Variants in DPP10 observed in about 807,000 individuals in gnomAD.
DPP10 encodes inactive dipeptidyl peptidase 10.
A neutral mutation model predicts 120.9 loss-of-function variants in DPP10; 33 were observed. The observed-to-expected ratio is 0.27, with a 90% CI of 0.21 to 0.37. The LOEUF (loss-of-function observed/expected upper bound fraction) is 0.37. DPP10 is among the 10% of genes least tolerant of loss of function. The pLI, the probability that DPP10 is intolerant of heterozygous loss-of-function variation, is 1.00. For synonymous variants in DPP10, 337 were observed against 326.1 expected, an observed-to-expected ratio of 1.03 and a Z score of -0.36; for missense variants, 816 against 942.8, an observed-to-expected ratio of 0.87 and a Z score of 1.76.
At chr2:115,754,126 A>G (rs1338036972) in intron 11 of DPP10, among the ~76,000 whole-genome samples, 2 of 152,166 alleles carry the variant, frequency 1.3e-5, no homozygotes, top group African/African-American at 4.8e-5. Context: ...TTCTATTCAC[A>G]ACACTTTTGA....
chr2:114,470,015 T>G (rs1183058108), intron 1 of DPP10, among the ~76,000 whole-genome samples: 1 of 152,206 alleles, frequency 6.6e-6, no homozygotes, highest in Non-Finnish European at 1.5e-5. Context: ...CTTGAGGTGA[T>G]GTGGGCAGAC....
At chr2:115,305,508 G>A (rs1411803259) in intron 1 of DPP10, among the ~76,000 whole-genome samples, 4 of 152,010 alleles carry the variant, frequency 2.6e-5, no homozygotes, top group African/African-American at 7.2e-5. Context: ...TGACACAGGA[G>A]GATTGCTTGA....
chr2:115,107,742 A>G lies in DPP10; in HGVS notation c.61-201497A>G, dbSNP rs1255398572. ...ATAATGACTAAGGCAATTTTATAGTACTTGTGATTTGTTCCGTTAGTATAT... is the reference window on the plus strand; with the variant it reads ...ATAATGACTAAGGCAATTTTATAGTGCTTGTGATTTGTTCCGTTAGTATAT... On this transcript the variant is annotated intron_variant, in intron 1 of 25. Coordinates refer to ENST00000410059, the MANE Select transcript of DPP10 (RefSeq NM_020868.6). 1.3e-5 allele frequency among the ~76,000 whole-genome samples: 2 copies of G among 152,172 alleles called. 1 individual carries two copies. The highest frequency in any genetic ancestry group is 2.9e-5 in the Non-Finnish European group (2 of 68,012).
At chr2:114,661,976 A>G (rs1392872170) in intron 1 of DPP10, among the ~76,000 whole-genome samples, 3 of 151,336 alleles carry the variant, frequency 2.0e-5, no homozygotes, top group Non-Finnish European at 4.4e-5. Flanking sequence ...GTTGCACTCC[A>G]GCCTGAGCAA....
At chr2:115,567,506 C>T (rs2081073617) in intron 5 of DPP10, among the ~76,000 whole-genome samples, 2 of 149,932 alleles carry the variant, frequency 1.3e-5, no homozygotes, top group South Asian at 2.1e-4. Flanking sequence ...CTGGATATCA[C>T]TCCAAATTAC....
chr2:114,478,015 A>G (rs1184225683), intron 1 of DPP10, among the ~76,000 whole-genome samples: 3 of 151,292 alleles, frequency 2.0e-5, no homozygotes, highest in African/African-American at 7.3e-5. Context: ...ATGTATTTCT[A>G]TTGATGATAG....
chr2:115,398,300 T>C (rs1279913820), intron 3 of DPP10, among the ~76,000 whole-genome samples: 3 of 150,686 alleles, frequency 2.0e-5, no homozygotes, highest in Admixed American at 6.6e-5. Context: ...TTGTAACTTA[T>C]ATGATTTATT....
intron 1 of DPP10, chr2:115,064,610 A>G: frequency 4.8e-6 from 6 of 1,238,456 alleles, no homozygotes; most frequent in Non-Finnish European, 6.3e-6. Flanking sequence ...GCACTGACGT[A>G]GATTCTTTGC....
At chr2:114,701,609 A>C (rs76490632) in intron 1 of DPP10, among the ~76,000 whole-genome samples, 1,552 of 152,250 alleles carry the variant, frequency 0.01, 21 homozygotes, top group African/African-American at 0.035. Context: ...AAAAAGTATA[A>C]TCAGTAATGT....
At chr2:115,490,992 C>T (rs549724681) in intron 3 of DPP10, among the ~76,000 whole-genome samples, 6 of 152,250 alleles carry the variant, frequency 3.9e-5, no homozygotes, top group Admixed American at 1.3e-4. Context: ...TTGACTCACA[C>T]CTGTAGTCTC....
chr2:115,670,642 C>A (rs372090389), intron 5 of DPP10, among the ~76,000 whole-genome samples: 20 of 152,188 alleles, frequency 1.3e-4, no homozygotes, highest in African/African-American at 4.3e-4. Flanking sequence ...AGATATATAC[C>A]TACCACTTAA....
At chr2:114,951,000 G>A (rs866778847) in intron 1 of DPP10, among the ~76,000 whole-genome samples, 3 of 152,224 alleles carry the variant, frequency 2.0e-5, no homozygotes, top group African/African-American at 7.2e-5. Context: ...AAATCTAATT[G>A]TTATTCACTA....
chr2:115,079,675 A>G (rs1337061029), intron 1 of DPP10, among the ~76,000 whole-genome samples: 1 of 152,168 alleles, frequency 6.6e-6, no homozygotes, highest in East Asian at 1.9e-4. Flanking sequence ...TCTGGAAACT[A>G]TACTACCCAA....
At chr2:114,715,707 CAA>C (rs1258021520) in intron 1 of DPP10, among the ~76,000 whole-genome samples, 1 of 149,604 alleles carries the variant, frequency 6.7e-6, no homozygotes, top group Non-Finnish European at 1.5e-5. Context: ...TGTTCCAGTA[CAA>C]AAAAGCTGGG....
intron 2 of DPP10, among the ~76,000 whole-genome samples, chr2:115,337,894 A>C (rs1574479510): frequency 6.6e-6 from 1 of 152,106 alleles, no homozygotes; most frequent in East Asian, 1.9e-4. Context: ...TAGTTTTCTC[A>C]GTATTGAATA....
At chr2:115,299,557 G>T (rs566917557) in intron 1 of DPP10, among the ~76,000 whole-genome samples, 3 of 151,948 alleles carry the variant, frequency 2.0e-5, no homozygotes, top group East Asian at 3.9e-4. Context: ...TGAAAGTCTT[G>T]TGGGAAAATA....
At chr2:114,460,736 AT>A (rs956548292) in intron 1 of DPP10, among the ~76,000 whole-genome samples, 66 of 152,286 alleles carry the variant, frequency 4.3e-4, no homozygotes, top group African/African-American at 1.6e-3. Context: ...AAAGAGGCAT[AT>A]TTTTCAATAG....
intron 1 of DPP10, among the ~76,000 whole-genome samples, chr2:115,035,420 A>G (rs554652167): frequency 6.6e-6 from 1 of 152,336 alleles, no homozygotes; most frequent in Admixed American, 6.5e-5. Flanking sequence ...TTTATTGTCC[A>G]GTAATTATGT....
intron 5 of DPP10, among the ~76,000 whole-genome samples, chr2:115,669,092 T>C (rs139038281): frequency 6.6e-6 from 1 of 152,254 alleles, no homozygotes; most frequent in African/African-American, 2.4e-5. Context: ...AGGATCTGGT[T>C]TCTTAGACTA....
Sources: allele counts gnomAD v4.1 joint callset (sites outside exome capture counted in the v4.1 genomes callset), GRCh38; gene constraint gnomAD v4.1.1; transcripts MANE v1.5; gene names NCBI Gene and HGNC (gene_info 2026-07-23, HGNC 2026-07-21).